CHD7: variants seen among roughly 807,000 people sequenced by gnomAD.
The protein encoded by CHD7 is chromodomain helicase DNA binding protein 7.
A neutral mutation model predicts 307.3 loss-of-function variants in CHD7; 24 were observed. The ratio of observed to expected loss-of-function variants is 0.08; its 90% CI spans 0.06 to 0.11. CHD7 has a LOEUF of 0.11. CHD7 is among the 10% of genes least tolerant of loss of function. CHD7 has a pLI of 1.00. For synonymous variants in CHD7, 1,363 were observed against 1,349.9 expected (o/e 1.01, Z -0.21); for missense variants, 3,106 against 3,727.1 (o/e 0.83, Z 4.34).
At chr8:60,839,504 G>T (rs1334542203) in intron 19 of CHD7, among the ~76,000 whole-genome samples, 1 of 152,168 alleles carries the variant, frequency 6.6e-6, no homozygotes, top group African/African-American at 2.4e-5. Context: ...GGAACTGCCA[G>T]ACTGTTTTGT....
chr8:60,767,190 A>T (rs1354049185), intron 2 of CHD7, among the ~76,000 whole-genome samples: 1 of 152,206 alleles, frequency 6.6e-6, no homozygotes, highest in East Asian at 1.9e-4. Flanking sequence ...GTGCAGTCAG[A>T]GCAAGTTCAA....
chr8:60,724,447 G>A (rs562545349), intron 1 of CHD7, among the ~76,000 whole-genome samples: 1 of 152,340 alleles, frequency 6.6e-6, no homozygotes, highest in East Asian at 1.9e-4. Context: ...TGCATGCAAG[G>A]CATTTTGTTA....
chr8:60,834,191 G>GGGTTA (rs1319264575), intron 15 of CHD7, among the ~76,000 whole-genome samples: 5 of 152,086 alleles, frequency 3.3e-5, no homozygotes, highest in African/African-American at 1.2e-4. Context: ...AAATTTAACT[G>GGGTTA]AAACCCAAAT....
chr8:60,837,078 T>C (rs1804775022), intron 17 of CHD7, 66 bp downstream of exon 17: 1 of 1,283,960 alleles, frequency 7.8e-7, no homozygotes, highest in African/African-American at 1.5e-5. Flanking sequence ...TGACAGAGAG[T>C]ACCAGTCAGA....
chr8:60,756,699 A>G (rs945945373), intron 2 of CHD7, among the ~76,000 whole-genome samples: 2 of 152,180 alleles, frequency 1.3e-5, no homozygotes, highest in African/African-American at 4.8e-5. Flanking sequence ...TTTTAAATGC[A>G]CACACACATA....
chr8:60,788,163 G>A (rs958977149), intron 3 of CHD7, among the ~76,000 whole-genome samples: 29 of 151,426 alleles, frequency 1.9e-4, no homozygotes, highest in Admixed American at 5.3e-4. Context: ...TTGCTGTGTC[G>A]TGTAGGCCAA....
At position 60,741,634 on chromosome 8, in the gene CHD7, C is replaced by A. The variant is rs886063032; in HGVS notation, c.202C>A (p.His68Asn). The A allele has an allele frequency of 6.2e-7, 1 of 1,613,756 alleles. No individual in the cohort carries two copies. Among genetic ancestry groups the A allele is most frequent in the Non-Finnish European group, 8.5e-7 (1 of 1,179,758 alleles). The change falls in exon 2 of 38, where the codon CAT (histidine) becomes AAT (asparagine). Residue 68 changes from histidine (H) to asparagine (N), a missense_variant. By Grantham distance (68) the His-to-Asn change is moderately conservative. Coordinates refer to ENST00000423902, the MANE Select transcript of CHD7 (RefSeq NM_017780.4). ...TAATCAAAATCAAACAAAGCTGACA[C>A]ATTTTGATCACTATAATCAGTATGA... ...STNQNQTKLT[H>N]FDHYNQYEQQ...
intron 15 of CHD7, among the ~76,000 whole-genome samples, chr8:60,834,744 G>A (rs934169436): frequency 3.3e-5 from 5 of 152,170 alleles, no homozygotes; most frequent in African/African-American, 1.2e-4. Flanking sequence ...TAAATTATTT[G>A]TTGATTAATA....
chr8:60,736,611 A>G (rs1262565912), intron 1 of CHD7, among the ~76,000 whole-genome samples: 2 of 152,148 alleles, frequency 1.3e-5, no homozygotes, highest in African/African-American at 4.8e-5. Context: ...TTGGAGGTGG[A>G]AGAGAGAAAT....
intron 4 of CHD7, 79 bp from the exon 5 acceptor site, chr8:60,800,309 G>A: frequency 6.8e-7 from 1 of 1,463,380 alleles, no homozygotes; most frequent in Non-Finnish European, 9.3e-7. Flanking sequence ...TGGGATTACA[G>A]GCGTGAGCCA....
At position 60,830,217 on chromosome 8, in the gene CHD7, AAATG is replaced by A. The variant is rs1586405064; in HGVS notation, c.3523-104_3523-101del. ...ACTCTCACTGGGCTTTGAAAAATGA[AAATG>A]GATGTTTAATGAATGAGATAATCCT... On this transcript the variant is annotated intron_variant, in intron 14 of 37. Coordinates refer to ENST00000423902, the MANE Select transcript of CHD7 (RefSeq NM_017780.4). The A allele has an allele frequency of 9.9e-6, 12 of 1,209,610 alleles. No homozygotes were observed. In the East Asian group the frequency reaches 2.9e-4, roughly 29 times the overall value. 74.9% of individuals were successfully genotyped at this position (1,209,610 alleles called of 1,614,324 possible).
intron 1 of CHD7, among the ~76,000 whole-genome samples, chr8:60,698,563 C>A (rs1297382996): frequency 1.3e-5 from 2 of 152,166 alleles, no homozygotes; most frequent in East Asian, 3.8e-4. Context: ...GGATCTTGGG[C>A]AGATAACCTG....
intron 31 of CHD7, among the ~76,000 whole-genome samples, chr8:60,853,851 T>C (rs1207849912): frequency 6.6e-6 from 1 of 152,240 alleles, no homozygotes; most frequent in Non-Finnish European, 1.5e-5. Flanking sequence ...TGAGTAAATA[T>C]TGTTAATCAT....
intron 1 of CHD7, among the ~76,000 whole-genome samples, chr8:60,687,443 T>A (rs575051666): frequency 6.6e-6 from 1 of 152,378 alleles, no homozygotes; most frequent in African/African-American, 2.4e-5. Context: ...TAAAGTGTTT[T>A]ATGTTCTTGT....
At chr8:60,774,101 A>G (rs1383683460) in intron 2 of CHD7, among the ~76,000 whole-genome samples, 1 of 152,310 alleles carries the variant, frequency 6.6e-6, no homozygotes, top group South Asian at 2.1e-4. Context: ...GGAGAACTCC[A>G]CAGCCACTCC....
chr8:60,838,081 A>G lies in CHD7; in HGVS notation c.4359A>G (p.Gln1453=), dbSNP rs749531765. The part of the protein sequence containing the change: ...SGRENATNGV[Q]QLSKKEIEDL... Reference sequence around the variant, plus strand: ...TAAATATTTCTCTAAAACAGGTACAACAGCTTTCCAAGAAAGAAATAGAGG... The same window carrying G: ...TAAATATTTCTCTAAAACAGGTACAGCAGCTTTCCAAGAAAGAAATAGAGG... Residue 1453 remains glutamine (Q), a synonymous_variant, in exon 19 of 38, where the codon CAA becomes CAG. Transcript: ENST00000423902. 3.3e-6 allele frequency: 5 copies of G among 1,508,312 alleles called. No homozygotes were observed. The highest frequency in any genetic ancestry group is 2.5e-5 in the East Asian group (1 of 40,432). 93.4% of individuals were successfully genotyped at this position (1,508,312 alleles called of 1,614,324 possible).
At chr8:60,815,600 CA>C in intron 7 of CHD7, among the ~76,000 whole-genome samples, 1 of 152,228 alleles carries the variant, frequency 6.6e-6, no homozygotes, top group East Asian at 1.9e-4. Flanking sequence ...TGAGGGAAGA[CA>C]CCATGCATAC....
chr8:60,690,376 G>T (rs1000810115), intron 1 of CHD7, among the ~76,000 whole-genome samples: 7 of 152,108 alleles, frequency 4.6e-5, no homozygotes, highest in East Asian at 3.9e-4. Context: ...TATTTTTGGT[G>T]CATTTAATAT....
intron 4 of CHD7, 45 bp from the exon 5 acceptor site, chr8:60,800,343 T>A: frequency 6.3e-7 from 1 of 1,594,976 alleles, no homozygotes; most frequent in South Asian, 1.1e-5. Flanking sequence ...CATTTTTCTT[T>A]TTAATCATTA....
Sources: allele counts gnomAD v4.1 joint callset (sites outside exome capture counted in the v4.1 genomes callset), GRCh38; gene constraint gnomAD v4.1.1; transcripts MANE v1.5; gene names NCBI Gene and HGNC (gene_info 2026-07-23, HGNC 2026-07-21).